Variants in SLC4A4 observed in about 807,000 individuals in gnomAD.
The protein encoded by SLC4A4 is solute carrier family 4 member 4, also known as electrogenic sodium bicarbonate cotransporter 1.
Under a neutral mutation model 111.5 loss-of-function variants are expected in SLC4A4, and 27 were observed. That is an observed-to-expected ratio of 0.24 (90% CI 0.18 to 0.33). The LOEUF (loss-of-function observed/expected upper bound fraction) is 0.33, where lower values mean the gene tolerates loss of function less well. Among genes scored for constraint, SLC4A4 ranks in the 10% least tolerant of loss-of-function variants. The probability of loss-of-function intolerance (pLI) is 1.00; values close to 1 mark genes in which losing one functional copy is unlikely to be tolerated. For synonymous variants in SLC4A4, 443 were observed against 463.4 expected (o/e 0.96, Z 0.57); for missense variants, 909 against 1,315.5 (o/e 0.69, Z 4.78).
chr4:71,413,366 G>T (rs903422094), intron 7 of SLC4A4, among the ~76,000 whole-genome samples: 4 of 152,102 alleles, frequency 2.6e-5, no homozygotes, highest in African/African-American at 9.7e-5. Flanking sequence ...GCAGTCATTT[G>T]GAAGTCAATA....
chr4:71,425,618 G>A (rs1031675592), intron 7 of SLC4A4, among the ~76,000 whole-genome samples: 9 of 152,094 alleles, frequency 5.9e-5, no homozygotes, highest in Non-Finnish European at 1.3e-4. Flanking sequence ...TTAGAGAGAT[G>A]CAAGACATCA....
chr4:71,089,640 T>C (rs1578468575), intron 1 of SLC4A4, among the ~76,000 whole-genome samples: 1 of 151,574 alleles, frequency 6.6e-6, no homozygotes, highest in Admixed American at 6.6e-5. Flanking sequence ...GTGCAGGTCT[T>C]TTGGAGTTTG....
At chr4:71,120,897 C>T (rs545833408) in intron 2 of SLC4A4, among the ~76,000 whole-genome samples, 15 of 152,300 alleles carry the variant, frequency 9.8e-5, no homozygotes, top group Admixed American at 4.6e-4. Flanking sequence ...AGGCCGGAGC[C>T]GGCTCCCTCT....
chr4:71,300,339 C>A, intron 3 of SLC4A4: 1 of 224,084 alleles, frequency 4.5e-6, no homozygotes. Context: ...GAGCTGCAGC[C>A]ACAGCAGGAC....
chr4:71,161,938 T>C (rs990136619), intron 2 of SLC4A4, among the ~76,000 whole-genome samples: 10 of 152,194 alleles, frequency 6.6e-5, no homozygotes, highest in Non-Finnish European at 1.2e-4. Context: ...ATTCTGACCA[T>C]ACTCCTATCC....
At chr4:71,099,683 A>C (rs1742659818) in intron 2 of SLC4A4, among the ~76,000 whole-genome samples, 2 of 152,144 alleles carry the variant, frequency 1.3e-5, no homozygotes, top group Non-Finnish European at 2.9e-5. Context: ...AATGAGATTG[A>C]TAGGCTATTA....
At chr4:71,236,129 G>T in intron 1 of SLC4A4, 1 of 1,042,364 alleles carries the variant, frequency 9.6e-7, no homozygotes, top group Non-Finnish European at 1.2e-6. Flanking sequence ...GTGTGTGAGG[G>T]TATACATTTT....
intron 16 of SLC4A4, among the ~76,000 whole-genome samples, chr4:71,519,273 G>C (rs181856596): frequency 6.6e-6 from 1 of 152,196 alleles, no homozygotes; most frequent in Admixed American, 6.5e-5. Context: ...TTTCCTTCTG[G>C]CAGTAACACC....
intron 2 of SLC4A4, among the ~76,000 whole-genome samples, chr4:71,239,443 C>T (rs116272042): frequency 0.01 from 1,570 of 152,210 alleles, 31 homozygotes; most frequent in African/African-American, 0.036. Context: ...GCAAGAAGAG[C>T]CAGATACTCT....
intron 1 of SLC4A4, among the ~76,000 whole-genome samples, chr4:71,191,791 AG>A (rs1745744568): frequency 6.6e-6 from 1 of 152,244 alleles, no homozygotes; most frequent in Non-Finnish European, 1.5e-5. Context: ...AAGTGAAATT[AG>A]GATGTTAAAG....
intron 7 of SLC4A4, among the ~76,000 whole-genome samples, chr4:71,416,986 G>C (rs556298998): frequency 4.3e-4 from 65 of 152,266 alleles, no homozygotes; most frequent in African/African-American, 1.5e-3. Flanking sequence ...AAGGCCCTTT[G>C]CTTCTTACTA....
At chr4:71,499,295 T>A (rs1198753110) in intron 16 of SLC4A4, among the ~76,000 whole-genome samples, 2 of 152,054 alleles carry the variant, frequency 1.3e-5, no homozygotes, top group Non-Finnish European at 2.9e-5. Flanking sequence ...TGAATGGAGA[T>A]CCTTTTTCTA....
chr4:71,497,721 A>G (rs1227998962), intron 16 of SLC4A4, 29 bp downstream of exon 16: 6 of 1,564,498 alleles, frequency 3.8e-6, no homozygotes, highest in Non-Finnish European at 3.5e-6. Context: ...AATGATTTTC[A>G]TTGGATTTAC....
chr4:71,360,462 T>C (rs979325711), intron 6 of SLC4A4, among the ~76,000 whole-genome samples: 1 of 152,050 alleles, frequency 6.6e-6, no homozygotes, highest in Non-Finnish European at 1.5e-5. Flanking sequence ...CAGAAAAAAA[T>C]TGAAGAACTT....
rs547459879 is a variant in SLC4A4, at chr4:71,188,032, C to T, written c.-2+631C>T. 2.8e-4 allele frequency among the ~76,000 whole-genome samples: 43 copies of T among 152,310 alleles called. 1 individual carries two copies. In the South Asian group the frequency reaches 4.6e-3, roughly 16 times the overall value. ...TAGGTTAAACTGGAATTTCTCTTGG[C>T]CAGCGACAACGGAGCTCTCCCTCAG... On this transcript the variant is annotated intron_variant, in intron 1 of 25. Coordinates refer to ENST00000264485, the MANE Select transcript of SLC4A4 (RefSeq NM_001098484.3).
chr4:71,451,373 A>G (rs1334940125), intron 11 of SLC4A4, 72 bp downstream of exon 11: 4 of 973,452 alleles, frequency 4.1e-6, no homozygotes, highest in Non-Finnish European at 5.0e-6. Context: ...ATCTATCAAC[A>G]TATTATTCAC....
intron 2 of SLC4A4, among the ~76,000 whole-genome samples, chr4:71,130,611 T>C (rs187239316): frequency 2.7e-4 from 41 of 152,322 alleles, no homozygotes; most frequent in Admixed American, 1.0e-3. Flanking sequence ...ACTTATTTTG[T>C]TAAATGAGTG....
chr4:71,403,391 G>A (rs566283953), intron 7 of SLC4A4, among the ~76,000 whole-genome samples: 46 of 152,274 alleles, frequency 3.0e-4, no homozygotes, highest in Non-Finnish European at 5.6e-4. Flanking sequence ...TTTGACTCAT[G>A]GAACTTCCAT....
At chr4:71,093,766 A>G (rs1742457160) in intron 2 of SLC4A4, among the ~76,000 whole-genome samples, 1 of 152,186 alleles carries the variant, frequency 6.6e-6, no homozygotes, top group African/African-American at 2.4e-5. Flanking sequence ...CATTATAGGG[A>G]CCTACCTATT....
Sources: gnomAD v4.1 joint callset for allele counts (sites outside exome capture counted in the v4.1 genomes callset) on GRCh38, gnomAD v4.1.1 for gene constraint, MANE v1.5 for transcripts, NCBI Gene and HGNC (gene_info 2026-07-23, HGNC 2026-07-21) for gene names.